The following HTR1D variants were observed in gnomAD, a reference collection of about 807,000 sequenced individuals.
HTR1D encodes the protein 5-HT-1D.
HTR1D carries 18 observed loss-of-function variants against 21.1 expected under a neutral mutation model. That is an observed-to-expected ratio of 0.85 (90% CI 0.59 to 1.27). The LOEUF (loss-of-function observed/expected upper bound fraction) is 1.27, where lower values mean the gene tolerates loss of function less well. HTR1D is among the 50% of genes most tolerant of loss of function. The pLI is 0.00. For synonymous variants in HTR1D, 196 were observed against 204.4 expected (o/e 0.96, Z 0.35); for missense variants, 456 against 481.4 (o/e 0.95, Z 0.49).
intron 1 of HTR1D, among the ~76,000 whole-genome samples, chr1:23,203,256 C>A (rs779436050): frequency 2.6e-5 from 4 of 152,154 alleles, no homozygotes; most frequent in Non-Finnish European, 5.9e-5. Context: ...GCATCTCCCC[C>A]ATCTCATGCT....
At chr1:23,216,748 T>C (rs530636973) in intron 1 of HTR1D, among the ~76,000 whole-genome samples, 2 of 152,302 alleles carry the variant, frequency 1.3e-5, no homozygotes, top group South Asian at 4.1e-4. Flanking sequence ...CCCCTCTATT[T>C]GACAGACGTG....
chr1:23,204,194 C>A (rs1034673269), intron 1 of HTR1D, among the ~76,000 whole-genome samples: 1 of 151,670 alleles, frequency 6.6e-6, no homozygotes, highest in Admixed American at 6.6e-5. Context: ...GGCACAATCT[C>A]GGCTCACTGC....
rs1317877117 is a variant in HTR1D, at chr1:23,193,903, A to C, written c.317T>G (p.Phe106Cys). Residue 106 changes from phenylalanine to cysteine, a missense_variant, in exon 2 of 2, where the codon TTT becomes TGT. Phe to Cys is a radical substitution (Grantham distance 205). Transcript: ENST00000374619. ...IAYTITHTWN[F>C]GQILCDIWLS... Reference sequence around the variant, plus strand: ...CCAGATGTCACACAAGATTTGGCCAAAGTTCCAGGTGTGGGTGATGGTATA... The same window carrying C: ...CCAGATGTCACACAAGATTTGGCCACAGTTCCAGGTGTGGGTGATGGTATA... The C allele has an allele frequency of 1.2e-6, 2 of 1,614,206 alleles. No homozygotes were observed. The highest frequency in any genetic ancestry group is 1.7e-6 in the Non-Finnish European group (2 of 1,180,036).
intron 1 of HTR1D, among the ~76,000 whole-genome samples, chr1:23,204,882 G>A (rs78685391): frequency 0.011 from 1,617 of 152,280 alleles, 26 homozygotes; most frequent in African/African-American, 0.033. Context: ...CAGCAGAAAT[G>A]CCCAGCCAAG....
intron 1 of HTR1D, among the ~76,000 whole-genome samples, chr1:23,202,340 G>A (rs1022289819): frequency 2.6e-5 from 4 of 152,082 alleles, no homozygotes; most frequent in East Asian, 1.9e-4. Context: ...GGATCTGCCC[G>A]TCTGAGCCTC....
intron 1 of HTR1D, among the ~76,000 whole-genome samples, chr1:23,196,079 G>A (rs906396007): frequency 4.0e-5 from 6 of 151,740 alleles, no homozygotes; most frequent in African/African-American, 7.3e-5. Flanking sequence ...GGACTTAAGC[G>A]ATCCTCCAGC....
chr1:23,193,355 T>A lies in HTR1D; in HGVS notation c.865A>T (p.Lys289Ter), dbSNP rs112687190. 1.2e-6 allele frequency: 2 copies of A among 1,614,052 alleles called. No individual in the cohort carries two copies. The highest frequency in any genetic ancestry group is 1.3e-5 in the African/African-American group (1 of 74,910). ...CTTTCTCGAGCAGCAGAAATCCTCT[T>A]GCGTTCCAGGGCACTGTCAGCAAGC... ...IKLADSALER[K>*]RISAARERKA... The change falls in exon 2 of 2, where the codon AAG becomes TAG. Residue 289 changes from lysine to a stop codon, truncating the protein, a stop_gained. Coordinates refer to ENST00000374619, the MANE Select transcript of HTR1D (RefSeq NM_000864.5). LOFTEE classifies it high-confidence loss of function.
intron 1 of HTR1D, among the ~76,000 whole-genome samples, chr1:23,207,197 G>A (rs188946633): frequency 3.9e-4 from 59 of 152,112 alleles, no homozygotes; most frequent in African/African-American, 1.3e-3. Context: ...TCAGGAGTTC[G>A]AGACCAGCTG....
intron 1 of HTR1D, among the ~76,000 whole-genome samples, chr1:23,201,082 T>C (rs945446484): frequency 6.6e-6 from 1 of 152,114 alleles, no homozygotes; most frequent in Non-Finnish European, 1.5e-5. Context: ...CCACTTTTGA[T>C]CACAGCTGAT....
rs1644720684 is a variant in HTR1D at position 23,204,189 on chromosome 1, A to G, written c.-782-9188T>C. On this transcript the variant is annotated intron_variant, in intron 1 of 1. Coordinates refer to ENST00000374619, the MANE Select transcript of HTR1D (RefSeq NM_000864.5). ...CACCCAGGCTGGAGTGCAGTGGCAC[A>G]ATCTCGGCTCACTGCAAGCTCCGCC... Among the ~76,000 whole-genome samples, 5 of 151,892 alleles carry G rather than the reference A, an allele frequency of 3.3e-5. No homozygotes were observed. The South Asian group carries it at 8.3e-4, about 25-fold the overall frequency.
intron 1 of HTR1D, among the ~76,000 whole-genome samples, chr1:23,212,530 A>G (rs1644757543): frequency 6.6e-6 from 1 of 152,192 alleles, no homozygotes; most frequent in South Asian, 2.1e-4. Context: ...TAGGATTTGT[A>G]ATACACATCT....
At chr1:23,209,495 A>AG (rs1331714596) in intron 1 of HTR1D, among the ~76,000 whole-genome samples, 15 of 46,972 alleles carry the variant, frequency 3.2e-4, no homozygotes, top group African/African-American at 9.4e-4. Flanking sequence ...TTGGGACAGT[A>AG]GGGGGGGAGG....
rs149740414 is a variant in HTR1D at position 23,199,652 on chromosome 1, T to C, written c.-782-4651A>G. On this transcript the variant is annotated intron_variant, in intron 1 of 1. Coordinates refer to ENST00000374619, the MANE Select transcript of HTR1D (RefSeq NM_000864.5). ...ATTAATATTAATTGTTATTCGTGTGTGTGTGTTTGTACTGCTTTGTAGGGA... is the reference window on the plus strand; with the variant it reads ...ATTAATATTAATTGTTATTCGTGTGCGTGTGTTTGTACTGCTTTGTAGGGA... 3.4e-3 allele frequency among the ~76,000 whole-genome samples: 520 copies of C among 152,102 alleles called. 6 individuals carry two copies. Among genetic ancestry groups the C allele is most frequent in the African/African-American group, 0.012 (497 of 41,516 alleles).
rs1569750799 is a variant in HTR1D, at chr1:23,193,407, A to G, written c.813T>C (p.Pro271=). ...TGATTTTCACGTGGTTGAAAAAGAG[A>G]GGGGAGCCAGCCGAGTGCGAGTGCC... ...HEGHSHSAGS[P]LFFNHVKIKL... Residue 271 remains proline (P), a synonymous_variant, in exon 2 of 2, where the codon CCT becomes CCC. Transcript: ENST00000374619. 1 of 1,614,090 alleles carries G rather than the reference A, an allele frequency of 6.2e-7. No individual in the cohort carries two copies. The highest frequency in any genetic ancestry group is 8.5e-7 in the Non-Finnish European group (1 of 1,180,034).
At chr1:23,205,610 C>T (rs1644727031) in intron 1 of HTR1D, among the ~76,000 whole-genome samples, 1 of 152,198 alleles carries the variant, frequency 6.6e-6, no homozygotes, top group Non-Finnish European at 1.5e-5. Context: ...ATGGCGCTAT[C>T]TTAGCTCATT....
intron 1 of HTR1D, among the ~76,000 whole-genome samples, chr1:23,216,937 G>T (rs1158120648): frequency 6.6e-6 from 1 of 152,096 alleles, no homozygotes; most frequent in Admixed American, 6.5e-5. Context: ...GGCTTCCCTT[G>T]GCGCCCGGGG....
chr1:23,206,623 T>C (rs1215152249), intron 1 of HTR1D, among the ~76,000 whole-genome samples: 1 of 152,100 alleles, frequency 6.6e-6, no homozygotes, highest in African/African-American at 2.4e-5. Flanking sequence ...GACTGGAAAA[T>C]GTCCTTTCTT....
chr1:23,197,426 C>T (rs1644692987), intron 1 of HTR1D, among the ~76,000 whole-genome samples: 1 of 152,118 alleles, frequency 6.6e-6, no homozygotes, highest in Non-Finnish European at 1.5e-5. Flanking sequence ...CGTCACACTT[C>T]AAATAATAAA....
Position 23,217,061 on chromosome 1 carries a change from G to T in HTR1D, c.-783+230C>A, listed in dbSNP as rs968206121. On this transcript the variant is annotated intron_variant, in intron 1 of 1. Transcript: ENST00000374619. This position sits in a 1 kb window ranked among gnomAD's most constrained non-coding sequence, Gnocchi z 4.6. ...GTGGGATCCCGCAGCCTCCCTGGGCGCTGCCTCAGTCCTCCCTTTTCTCCC... is the reference window on the plus strand; with the variant it reads ...GTGGGATCCCGCAGCCTCCCTGGGCTCTGCCTCAGTCCTCCCTTTTCTCCC... Among the ~76,000 whole-genome samples, 2 of 151,974 alleles carry T rather than the reference G, an allele frequency of 1.3e-5. No homozygotes were observed. Among genetic ancestry groups the T allele is most frequent in the Admixed American group, 6.5e-5 (1 of 15,274 alleles).
Sources: allele counts gnomAD v4.1 joint callset (sites outside exome capture counted in the v4.1 genomes callset), GRCh38; gene constraint gnomAD v4.1.1; non-coding constraint Gnocchi (gnomAD v3.1); transcripts MANE v1.5; gene names NCBI Gene and HGNC (gene_info 2026-07-23, HGNC 2026-07-21).